AGMO: variants seen among roughly 807,000 people sequenced by gnomAD.
The protein encoded by AGMO is alkylglycerol monooxygenase.
AGMO carries 75 observed loss-of-function variants against 60.2 expected under a neutral mutation model. The ratio of observed to expected loss-of-function variants is 1.25; its 90% CI spans 1.03 to 1.51. AGMO has a LOEUF of 1.51. AGMO is among the 40% of genes most tolerant of loss of function. The pLI is 0.00. For missense variants in AGMO, 763 were observed against 525.5 expected, an observed-to-expected ratio of 1.45 and a Z score of -4.42; for synonymous variants, 261 against 177.1, an observed-to-expected ratio of 1.47 and a Z score of -3.76.
At chr7:15,214,471 T>C (rs55723623) in intron 12 of AGMO, among the ~76,000 whole-genome samples, 17,185 of 152,012 alleles carry the variant, frequency 0.11, 1,101 homozygotes, top group East Asian at 0.21. Context: ...CACATGGTTT[T>C]GTATATACAA....
At chr7:15,530,699 T>TATATTCTATATATGTATTTCTATATAG (rs1562556028) in intron 3 of AGMO, among the ~76,000 whole-genome samples, 2 of 115,980 alleles carry the variant, frequency 1.7e-5, no homozygotes, top group East Asian at 4.8e-4. Context: ...TATTTCTACA[T>TATATTCTATATATGTATTTCTATATAG]ATATTCTATA....
In AGMO at chr7:15,343,775, A is replaced by C. The variant is rs144358721; in HGVS notation, c.1263+21739T>G. On this transcript the variant is annotated intron_variant, in intron 12 of 12. Coordinates refer to ENST00000342526, the MANE Select transcript of AGMO (RefSeq NM_001004320.2). ...TATTTGGTGTTAGTGTCTACCTTTC[A>C]AAAGTGATTTTGAATCACAGAAAGG... 1.3e-4 allele frequency among the ~76,000 whole-genome samples: 20 copies of C among 152,280 alleles called. No homozygotes were observed. The East Asian group carries it at 3.7e-3, about 28-fold the overall frequency.
chr7:15,459,168 T>C (rs1782070977), intron 3 of AGMO, among the ~76,000 whole-genome samples: 1 of 152,204 alleles, frequency 6.6e-6, no homozygotes, highest in African/African-American at 2.4e-5. Flanking sequence ...GCTGTGTCTA[T>C]GCAGACACAC....
At chr7:15,360,531 G>A (rs1434141596) in intron 12 of AGMO, among the ~76,000 whole-genome samples, 1 of 152,084 alleles carries the variant, frequency 6.6e-6, no homozygotes, top group East Asian at 1.9e-4. Flanking sequence ...GGAAGAAGTA[G>A]GTCATCATAA....
intron 12 of AGMO, among the ~76,000 whole-genome samples, chr7:15,219,398 G>A (rs373681391): frequency 6.6e-6 from 1 of 152,080 alleles, no homozygotes; most frequent in East Asian, 1.9e-4. Context: ...TATTTAAAGT[G>A]AGACAAGAAA....
chr7:15,166,788 G>A, the AGMO span, among the ~76,000 whole-genome samples: 3 of 152,178 alleles, frequency 2.0e-5, no homozygotes, highest in East Asian at 5.8e-4. Context: ...AGTACATGAA[G>A]TAGAGGAGTC....
intron 3 of AGMO, among the ~76,000 whole-genome samples, chr7:15,514,386 C>A (rs1006999356): frequency 2.0e-5 from 3 of 152,000 alleles, no homozygotes; most frequent in South Asian, 4.1e-4. Context: ...AAACAATGAC[C>A]GTAGTATGAA....
chr7:15,498,398 C>T (rs1294061558), intron 3 of AGMO, among the ~76,000 whole-genome samples: 5 of 152,120 alleles, frequency 3.3e-5, no homozygotes, highest in African/African-American at 1.2e-4. Context: ...GGAGATATTA[C>T]TCTGCTAACT....
At chr7:15,222,443 A>T (rs1208681800) in intron 12 of AGMO, among the ~76,000 whole-genome samples, 2 of 152,096 alleles carry the variant, frequency 1.3e-5, no homozygotes, top group African/African-American at 4.8e-5. Flanking sequence ...AGCGATTGAG[A>T]TTTCGTGATC....
the AGMO span, among the ~76,000 whole-genome samples, chr7:15,158,441 C>T: frequency 3.3e-5 from 5 of 152,184 alleles, no homozygotes; most frequent in African/African-American, 1.2e-4. Flanking sequence ...GTAACAACAA[C>T]AACATATAAT....
At chr7:15,402,852 T>G (rs931462685) in intron 5 of AGMO, among the ~76,000 whole-genome samples, 4 of 151,690 alleles carry the variant, frequency 2.6e-5, no homozygotes, top group Non-Finnish European at 5.9e-5. Context: ...GAGCAAGATG[T>G]CTCTTGTCAG....
At chr7:15,212,873 CA>C (rs1395014651) in intron 12 of AGMO, among the ~76,000 whole-genome samples, 1 of 151,856 alleles carries the variant, frequency 6.6e-6, no homozygotes, top group Non-Finnish European at 1.5e-5. Context: ...TTGCAATGTT[CA>C]ATTTAAATAA....
chr7:15,308,856 T>TTAG (rs1238470371), intron 12 of AGMO, among the ~76,000 whole-genome samples: 1 of 152,158 alleles, frequency 6.6e-6, no homozygotes, highest in Non-Finnish European at 1.5e-5. Context: ...GTTAAATAAT[T>TTAG]TACCTAAACA....
chr7:15,150,003 A>C, the AGMO span, among the ~76,000 whole-genome samples: 1 of 151,306 alleles, frequency 6.6e-6, no homozygotes, highest in African/African-American at 2.4e-5. Flanking sequence ...ATTAGGGTTT[A>C]GATCTTTCAC....
chr7:15,444,128 G>GT (rs1359578470), intron 3 of AGMO, among the ~76,000 whole-genome samples: 1 of 151,964 alleles, frequency 6.6e-6, no homozygotes, highest in Non-Finnish European at 1.5e-5. Context: ...ATCTACCGTT[G>GT]TTTTTTATAT....
chr7:15,472,521 C>G (rs1030941046), intron 3 of AGMO, among the ~76,000 whole-genome samples: 3 of 151,840 alleles, frequency 2.0e-5, no homozygotes, highest in Non-Finnish European at 4.4e-5. Context: ...TGTCACCCAG[C>G]CGCAACTCTC....
At chr7:15,549,799 G>A (rs1784894080) in intron 2 of AGMO, among the ~76,000 whole-genome samples, 1 of 151,682 alleles carries the variant, frequency 6.6e-6, no homozygotes, top group Middle Eastern at 3.4e-3. Flanking sequence ...ATTGAACTCA[G>A]CTCTGCACCA....
At chr7:15,258,832 C>T (rs2128508876) in intron 12 of AGMO, among the ~76,000 whole-genome samples, 1 of 152,238 alleles carries the variant, frequency 6.6e-6, no homozygotes, top group South Asian at 2.1e-4. Flanking sequence ...AAAACAATCA[C>T]TACAGTTTGG....
intron 10 of AGMO, among the ~76,000 whole-genome samples, chr7:15,375,951 T>G (rs1157468877): frequency 6.6e-6 from 1 of 152,128 alleles, no homozygotes; most frequent in Non-Finnish European, 1.5e-5. Context: ...AAGTTAACAT[T>G]CTATTATTTG....
Sources: gnomAD v4.1 joint callset for allele counts (sites outside exome capture counted in the v4.1 genomes callset) on GRCh38, gnomAD v4.1.1 for gene constraint, MANE v1.5 for transcripts, NCBI Gene and HGNC (gene_info 2026-07-23, HGNC 2026-07-21) for gene names.